NRXN3: variants seen among roughly 807,000 people sequenced by gnomAD.
The protein encoded by NRXN3 is neurexin 3, also known as neurexin III.
In NRXN3, 32 loss-of-function variants were observed where a neutral mutation model predicts 137.6. The observed-to-expected ratio is 0.23, with a 90% CI of 0.18 to 0.31. NRXN3 has a LOEUF of 0.31. NRXN3 is among the 10% of genes least tolerant of loss of function. The pLI, the probability that NRXN3 is intolerant of heterozygous loss-of-function variation, is 1.00. For missense variants in NRXN3, 1,574 were observed against 2,062.5 expected (o/e 0.76, Z 4.59); for synonymous variants, 798 against 784.5 (o/e 1.02, Z -0.29).
At chr14:78,759,182 G>T (rs1175307696) in intron 8 of NRXN3, among the ~76,000 whole-genome samples, 1 of 152,142 alleles carries the variant, frequency 6.6e-6, no homozygotes, top group Admixed American at 6.5e-5. Context: ...GAAGACTGAG[G>T]CAATGCATTA....
At chr14:78,653,224 A>C (rs2097760358) in intron 6 of NRXN3, among the ~76,000 whole-genome samples, 1 of 152,182 alleles carries the variant, frequency 6.6e-6, no homozygotes, top group Non-Finnish European at 1.5e-5. Context: ...TTCTGATGGA[A>C]TTATGGTAGG....
At chr14:78,281,651 C>G (rs922943292) in intron 3 of NRXN3, among the ~76,000 whole-genome samples, 1 of 152,174 alleles carries the variant, frequency 6.6e-6, no homozygotes, top group African/African-American at 2.4e-5. Context: ...TAACAATAAG[C>G]ACTTGGCAGG....
rs1566903357 is a variant in NRXN3 at position 79,358,660 on chromosome 14, A to AGAAAGAAAGAAAGAAAGAAG, written c.3263-108552_3263-108551insAAAGAAAGAAGGAAAGAAAG. Among the ~76,000 whole-genome samples the AGAAAGAAAGAAAGAAAGAAG allele has an allele frequency of 6.0e-5, 9 of 150,900 alleles. No homozygotes were observed. The East Asian group carries it at 1.6e-3, about 27-fold the overall frequency. On this transcript the variant is annotated intron_variant, in intron 15 of 20. Coordinates refer to ENST00000335750, the MANE Select transcript of NRXN3 (RefSeq NM_001330195.2). ...AAGAAAGAAAGAAAGAAAGAAAGAA[A>AGAAAGAAAGAAAGAAAGAAG]GAAAGAAAGTGTCCTAAAAGAAGTG...
intron 16 of NRXN3, among the ~76,000 whole-genome samples, chr14:79,470,897 A>AGT: frequency 7.0e-6 from 1 of 142,542 alleles, no homozygotes; most frequent in South Asian, 2.1e-4. Context: ...AAAGAGAGAG[A>AGT]GAGAGTGTGT....
chr14:78,580,475 A>C (rs189406042), intron 4 of NRXN3, among the ~76,000 whole-genome samples: 3 of 152,288 alleles, frequency 2.0e-5, no homozygotes, highest in African/African-American at 7.2e-5. Flanking sequence ...CTTCATCTCC[A>C]ACTCAAGGGT....
chr14:78,749,484 C>CT (rs2098630776), intron 8 of NRXN3, among the ~76,000 whole-genome samples: 1 of 152,162 alleles, frequency 6.6e-6, no homozygotes, highest in African/African-American at 2.4e-5. Flanking sequence ...TGCTTAGACA[C>CT]TTGTTAGTTT....
chr14:78,983,737 G>T (rs1201425227), intron 14 of NRXN3, among the ~76,000 whole-genome samples: 1 of 151,184 alleles, frequency 6.6e-6, no homozygotes, highest in Non-Finnish European at 1.5e-5. Flanking sequence ...TGTGCCTGTA[G>T]TACCAGCTAC....
intron 1 of NRXN3, among the ~76,000 whole-genome samples, chr14:78,200,474 C>T (rs1400712662): frequency 4.6e-5 from 7 of 152,198 alleles, no homozygotes; most frequent in Admixed American, 2.6e-4. Context: ...CATTCTCAGG[C>T]CCCACCCCAG....
intron 16 of NRXN3, among the ~76,000 whole-genome samples, chr14:79,491,918 T>A (rs753878755): frequency 1.3e-5 from 2 of 152,314 alleles, no homozygotes; most frequent in South Asian, 4.1e-4. Flanking sequence ...TACAAGTGTC[T>A]CTCCTAAGGA....
chr14:79,206,876 G>A (rs1001365835), intron 15 of NRXN3, among the ~76,000 whole-genome samples: 16 of 151,998 alleles, frequency 1.1e-4, no homozygotes, highest in African/African-American at 3.9e-4. Flanking sequence ...GGAAACTAAC[G>A]TACAAGTCTT....
chr14:78,540,749 C>T (rs1205002699), intron 4 of NRXN3, among the ~76,000 whole-genome samples: 1 of 152,142 alleles, frequency 6.6e-6, no homozygotes, highest in East Asian at 1.9e-4. Context: ...TTTGCAGTGG[C>T]TGGTACCAGT....
At chr14:78,426,929 T>A (rs924398371) in intron 4 of NRXN3, among the ~76,000 whole-genome samples, 1 of 152,120 alleles carries the variant, frequency 6.6e-6, no homozygotes, top group Non-Finnish European at 1.5e-5. Flanking sequence ...GAGTTCAGAT[T>A]TGGAATAAAC....
At chr14:78,673,777 C>A (rs904622089) in intron 6 of NRXN3, among the ~76,000 whole-genome samples, 2 of 152,096 alleles carry the variant, frequency 1.3e-5, no homozygotes, top group Non-Finnish European at 2.9e-5. Flanking sequence ...TAATTAGAAC[C>A]AAAGGTCCCA....
At chr14:79,328,572 C>A (rs2091246400) in intron 15 of NRXN3, among the ~76,000 whole-genome samples, 1 of 152,122 alleles carries the variant, frequency 6.6e-6, no homozygotes, top group Admixed American at 6.5e-5. Flanking sequence ...TCCATGGTTT[C>A]TCTCTCTAAA....
intron 15 of NRXN3, among the ~76,000 whole-genome samples, chr14:79,235,017 T>C (rs1374192964): frequency 6.6e-6 from 1 of 152,002 alleles, no homozygotes; most frequent in Non-Finnish European, 1.5e-5. Flanking sequence ...TTAAATAATT[T>C]TTAAAACATT....
intron 15 of NRXN3, among the ~76,000 whole-genome samples, chr14:79,334,768 G>A (rs959815153): frequency 3.3e-5 from 5 of 152,062 alleles, no homozygotes; most frequent in African/African-American, 7.2e-5. Flanking sequence ...TGATGTCCTC[G>A]GCCTTCTTAA....
intron 4 of NRXN3, among the ~76,000 whole-genome samples, chr14:78,575,159 C>A (rs1048003115): frequency 6.6e-6 from 1 of 152,168 alleles, no homozygotes; most frequent in African/African-American, 2.4e-5. Flanking sequence ...TTTCCTGAGG[C>A]CTTCTCAGCC....
intron 19 of NRXN3, among the ~76,000 whole-genome samples, chr14:79,768,536 A>ACTCCAACGGACCTGCCGCTGAGGGTC (rs1471312740): frequency 9.2e-5 from 14 of 152,162 alleles, no homozygotes; most frequent in Non-Finnish European, 2.9e-5. Context: ...ATGGCAGGGT[A>ACTCCAACGGACCTGCCGCTGAGGGTC]CTCCAACGGA....
intron 4 of NRXN3, among the ~76,000 whole-genome samples, chr14:78,411,962 T>C (rs2092857236): frequency 1.3e-5 from 2 of 152,254 alleles, no homozygotes; most frequent in African/African-American, 4.8e-5. Flanking sequence ...TCATTGCTAA[T>C]GGTATTCCCT....
Sources: gnomAD v4.1 joint callset for allele counts (sites outside exome capture counted in the v4.1 genomes callset) on GRCh38, gnomAD v4.1.1 for gene constraint, MANE v1.5 for transcripts, NCBI Gene and HGNC (gene_info 2026-07-23, HGNC 2026-07-21) for gene names.